FBXO28: variants seen among roughly 807,000 people sequenced by gnomAD.
FBXO28 encodes F-box protein 28.
A neutral mutation model predicts 38.1 loss-of-function variants in FBXO28; 8 were observed. That is an observed-to-expected ratio of 0.21 (90% CI 0.12 to 0.38). The LOEUF (loss-of-function observed/expected upper bound fraction) is 0.38. Among genes scored for constraint, FBXO28 ranks in the 10% least tolerant of loss-of-function variants. FBXO28 has a pLI of 1.00. For missense variants in FBXO28, 345 were observed against 460.6 expected (o/e 0.75, Z 2.30); for synonymous variants, 168 against 173.8 (o/e 0.97, Z 0.26).
intron 3 of FBXO28, among the ~76,000 whole-genome samples, chr1:224,141,509 C>G (rs1292936132): frequency 6.6e-6 from 1 of 150,934 alleles, no homozygotes; most frequent in Non-Finnish European, 1.5e-5. Context: ...CGTCATTTAG[C>G]AAAGAGGATC....
rs139321577 is a variant in FBXO28, at chr1:224,154,641, T to C, written c.712+1304T>C. Among the ~76,000 whole-genome samples the C allele has an allele frequency of 1.8e-3, 265 of 150,234 alleles. 6 individuals carry two copies. The East Asian group carries it at 0.046, about 26-fold the overall frequency. ...GGCTAACATGGTGAAACCCCGTCTC[T>C]ACTAAAAATACAAAAAATTAGCTGG... On this transcript the variant is annotated intron_variant, in intron 4 of 4. Coordinates refer to ENST00000366862, the MANE Select transcript of FBXO28 (RefSeq NM_015176.4).
At chr1:224,145,923 A>G (rs899920227) in intron 3 of FBXO28, among the ~76,000 whole-genome samples, 3 of 152,096 alleles carry the variant, frequency 2.0e-5, no homozygotes, top group Non-Finnish European at 4.4e-5. Flanking sequence ...AAAATTGTCC[A>G]GGTGTGGTGG....
chr1:224,157,230 T>G (rs1361253770), intron 4 of FBXO28, 122 bp from the exon 5 acceptor site: 1 of 1,223,958 alleles, frequency 8.2e-7, no homozygotes, highest in Non-Finnish European at 1.1e-6. Flanking sequence ...CCAAATGGAT[T>G]GCAAAGAAGA....
chr1:224,138,148 A>C (rs1200724019), intron 3 of FBXO28, among the ~76,000 whole-genome samples: 2 of 151,618 alleles, frequency 1.3e-5, no homozygotes, highest in Admixed American at 6.6e-5. Flanking sequence ...GAATCACTTG[A>C]ACCTGGGAGG....
At position 224,156,721 on chromosome 1, in the gene FBXO28, C is replaced by T. The variant is rs6665837; in HGVS notation, c.713-631C>T. ...AGATAGAAAATAATTATTTTCTGAC[C>T]GGGCGCAGTGGCTCACGCCTGTAAT... On this transcript the variant is annotated intron_variant, in intron 4 of 4. Transcript: ENST00000366862. 5.0e-3 allele frequency among the ~76,000 whole-genome samples: 766 copies of T among 152,194 alleles called. 6 individuals carry two copies. The highest frequency in any genetic ancestry group is 0.026 in the East Asian group (135 of 5,176).
At chr1:224,134,340 T>A in intron 3 of FBXO28, 128 bp downstream of exon 3, 3 of 838,376 alleles carry the variant, frequency 3.6e-6, no homozygotes, top group Admixed American at 2.7e-5. Context: ...AATGAATTTG[T>A]TTGCTTTCTG....
At chr1:224,130,701 G>A in intron 2 of FBXO28, 120 bp downstream of exon 2, 1 of 615,746 alleles carries the variant, frequency 1.6e-6, no homozygotes, top group Admixed American at 2.8e-5. Context: ...AGGGCACAAA[G>A]ATCACAATGT....
At chr1:224,127,169 T>C (rs1363755709) in intron 1 of FBXO28, among the ~76,000 whole-genome samples, 1 of 45,704 alleles carries the variant, frequency 2.2e-5, no homozygotes, top group Non-Finnish European at 5.6e-5. Context: ...AGTATTTGTG[T>C]GTGTGTGTGT....
intron 3 of FBXO28, among the ~76,000 whole-genome samples, chr1:224,148,499 AAAAG>A (rs1430057431): frequency 2.0e-5 from 3 of 151,666 alleles, no homozygotes; most frequent in Non-Finnish European, 2.9e-5. Context: ...AAATACAAAA[AAAAG>A]AGAAAAAAAT....
intron 3 of FBXO28, among the ~76,000 whole-genome samples, chr1:224,143,603 T>C (rs897435250): frequency 6.6e-6 from 1 of 152,016 alleles, no homozygotes; most frequent in African/African-American, 2.4e-5. Flanking sequence ...GGCGGGCAGA[T>C]CACGAGGTCA....
chr1:224,142,909 G>A (rs1657395509), intron 3 of FBXO28, among the ~76,000 whole-genome samples: 1 of 152,062 alleles, frequency 6.6e-6, no homozygotes, highest in Non-Finnish European at 1.5e-5. Context: ...TCTTGCCACT[G>A]AACTCCAGCC....
chr1:224,133,083 T>C (rs908793), intron 2 of FBXO28, among the ~76,000 whole-genome samples: 140,872 of 152,222 alleles, frequency 0.93, 66,063 homozygotes, highest in East Asian at 1. Flanking sequence ...ACAACAAGAA[T>C]GAACCTGGAA....
chr1:224,116,845 A>G (rs944564231), intron 1 of FBXO28, among the ~76,000 whole-genome samples: 1 of 152,162 alleles, frequency 6.6e-6, no homozygotes. Context: ...TACCATGAAT[A>G]ACTGATTTCC....
intron 1 of FBXO28, among the ~76,000 whole-genome samples, chr1:224,117,746 G>A (rs921900547): frequency 1.3e-5 from 2 of 152,076 alleles, no homozygotes; most frequent in Non-Finnish European, 2.9e-5. Flanking sequence ...GGTGGCTCAC[G>A]CCTGTAATCC....
chr1:224,115,850 T>A (rs1354915663), intron 1 of FBXO28, among the ~76,000 whole-genome samples: 2 of 152,194 alleles, frequency 1.3e-5, no homozygotes, highest in Non-Finnish European at 2.9e-5. Flanking sequence ...TATTCACAGT[T>A]CTGTTTTGTA....
chr1:224,153,408 G>C (rs1657692896), intron 4 of FBXO28, 71 bp downstream of exon 4: 2 of 1,200,508 alleles, frequency 1.7e-6, no homozygotes, highest in Non-Finnish European at 2.3e-6. Context: ...CACTTAACCA[G>C]TGTCTTGAAC....
Position 224,123,442 on chromosome 1 carries a change from C to CAAAA in FBXO28, c.268-7009_268-7006dup, listed in dbSNP as rs10647785. On this transcript the variant is annotated intron_variant, in intron 1 of 4. Coordinates refer to ENST00000366862, the MANE Select transcript of FBXO28 (RefSeq NM_015176.4). ...TGGGCAACAGAGGGAGACCCTGTCTCAAAAAAAAAAAAAAAAAAAAAAAAT... is the reference window on the plus strand; with the variant it reads ...TGGGCAACAGAGGGAGACCCTGTCTCAAAAAAAAAAAAAAAAAAAAAAAAAAAAT... Among the ~76,000 whole-genome samples, 320 of 63,874 alleles carry CAAAA rather than the reference C, an allele frequency of 5.0e-3. 9 individuals are homozygous for CAAAA. Among genetic ancestry groups the CAAAA allele is most frequent in the East Asian group, 6.0e-3 (12 of 1,990 alleles). The allele number at this position is 63,874 out of a possible 152,430, so 41.9% of individuals were successfully genotyped here. A position where few individuals can be genotyped will look rare whatever the true frequency, so the allele number is the denominator to read the frequency against.
rs1656682461 is a variant in FBXO28, at chr1:224,117,996, AATTAATTTAT to A, written c.267+3601_267+3610del. On this transcript the variant is annotated intron_variant, in intron 1 of 4. Transcript: ENST00000366862. ...AGTATAGGGAGCTTTTTAATTAATT[AATTAATTTAT>A]TTATTTATTTATTTATTTATTTATT... Among the ~76,000 whole-genome samples the A allele has an allele frequency of 1.1e-4, 9 of 78,996 alleles. No homozygotes were observed. The South Asian group carries it at 3.6e-3, about 32-fold the overall frequency. The allele number at this position is 78,996 out of a possible 152,430, so 51.8% of individuals were successfully genotyped here. A position where few individuals can be genotyped will look rare whatever the true frequency, so the allele number is the denominator to read the frequency against.
rs561394236 is a variant in FBXO28, at chr1:224,126,323, G to A, written c.268-4149G>A. ...CAAAACTAGTAAAATAATTTTGACT[G>A]AACCTTGAAAATTGTTACAGCAGTA... On this transcript the variant is annotated intron_variant, in intron 1 of 4. Transcript: ENST00000366862. 6.6e-5 allele frequency among the ~76,000 whole-genome samples: 10 copies of A among 152,298 alleles called. No homozygotes were observed. In the South Asian group the frequency reaches 1.2e-3, roughly 19 times the overall value.
Sources: gnomAD v4.1 joint callset for allele counts (sites outside exome capture counted in the v4.1 genomes callset) on GRCh38, gnomAD v4.1.1 for gene constraint, MANE v1.5 for transcripts, NCBI Gene and HGNC (gene_info 2026-07-23, HGNC 2026-07-21) for gene names.